FMNL2: variants seen among roughly 807,000 people sequenced by gnomAD.
The protein encoded by FMNL2 is formin-like protein 2.
FMNL2 carries 51 observed loss-of-function variants against 130.2 expected under a neutral mutation model. That is an observed-to-expected ratio of 0.39 (90% CI 0.31 to 0.49). The LOEUF is 0.49. Among genes scored for constraint, FMNL2 ranks in the 20% least tolerant of loss-of-function variants. The pLI, the probability that FMNL2 is intolerant of heterozygous loss-of-function variation, is 0.85. For missense variants in FMNL2, 977 were observed against 1,316.2 expected, an observed-to-expected ratio of 0.74 and a Z score of 3.99; for synonymous variants, 465 against 467.1, an observed-to-expected ratio of 1.00 and a Z score of 0.06.
intron 1 of FMNL2, among the ~76,000 whole-genome samples, chr2:152,366,428 TAAAG>T (rs993635370): frequency 6.7e-6 from 1 of 148,226 alleles, no homozygotes; most frequent in Admixed American, 6.9e-5. Context: ...CCCTAAAACT[TAAAG>T]TATAATAATA....
chr2:152,344,912 G>T (rs1171734032), intron 1 of FMNL2, among the ~76,000 whole-genome samples: 1 of 152,196 alleles, frequency 6.6e-6, no homozygotes, highest in East Asian at 1.9e-4. Flanking sequence ...AATTAGCCTT[G>T]AGAATAGAAA....
At chr2:152,578,606 TGAGA>T in intron 7 of FMNL2, 1 of 185,934 alleles carries the variant, frequency 5.4e-6, no homozygotes, top group Non-Finnish European at 1.0e-5. Flanking sequence ...TTTTTTTTTT[TGAGA>T]GATGTGGGTC....
chr2:152,630,459 T>A (rs1682083432), intron 20 of FMNL2, among the ~76,000 whole-genome samples: 1 of 152,136 alleles, frequency 6.6e-6, no homozygotes, highest in Non-Finnish European at 1.5e-5. Flanking sequence ...TTTCTTAAAT[T>A]TTTGTTGTTG....
chr2:152,563,211 A>G (rs1182858225), intron 6 of FMNL2, among the ~76,000 whole-genome samples: 2 of 152,222 alleles, frequency 1.3e-5, no homozygotes, highest in African/African-American at 4.8e-5. Context: ...GTATCTGGAA[A>G]AACATAGGCA....
chr2:152,352,561 C>T (rs1392922509), intron 1 of FMNL2, among the ~76,000 whole-genome samples: 2 of 152,144 alleles, frequency 1.3e-5, no homozygotes, highest in East Asian at 1.9e-4. Context: ...GCAAGCTCAT[C>T]ATCTTTTCAG....
intron 1 of FMNL2, among the ~76,000 whole-genome samples, chr2:152,491,371 A>G (rs1316757245): frequency 2.0e-5 from 3 of 152,100 alleles, no homozygotes; most frequent in African/African-American, 7.2e-5. Flanking sequence ...TAGGCTGGAA[A>G]AACACTGTGC....
intron 4 of FMNL2, among the ~76,000 whole-genome samples, chr2:152,556,452 C>T (rs1695209995): frequency 6.6e-6 from 1 of 151,888 alleles, no homozygotes; most frequent in African/African-American, 2.4e-5. Context: ...TCTTTGAGGC[C>T]CTTTCACTCA....
chr2:152,352,724 T>C (rs1682566112), intron 1 of FMNL2, among the ~76,000 whole-genome samples: 1 of 152,160 alleles, frequency 6.6e-6, no homozygotes, highest in Admixed American at 6.5e-5. Context: ...TTTTTTTTTT[T>C]TTTCTAGTAA....
chr2:152,486,357 A>G (rs1224133937), intron 1 of FMNL2, among the ~76,000 whole-genome samples: 1 of 152,176 alleles, frequency 6.6e-6, no homozygotes, highest in Non-Finnish European at 1.5e-5. Context: ...TTCAGGAGCT[A>G]TTTACATAGC....
At chr2:152,366,825 G>C (rs1302889618) in intron 1 of FMNL2, among the ~76,000 whole-genome samples, 6 of 152,036 alleles carry the variant, frequency 3.9e-5, no homozygotes, top group Non-Finnish European at 7.4e-5. Context: ...AATTAGCCAG[G>C]CTTGGTGGTG....
At chr2:152,605,403 C>T (rs188236014) in intron 9 of FMNL2, among the ~76,000 whole-genome samples, 4 of 152,180 alleles carry the variant, frequency 2.6e-5, no homozygotes, top group African/African-American at 4.8e-5. Flanking sequence ...ACTGCAGCCT[C>T]GACCTCATGG....
chr2:152,595,487 T>G (rs1253483199), intron 9 of FMNL2, among the ~76,000 whole-genome samples: 1 of 152,008 alleles, frequency 6.6e-6, no homozygotes, highest in Non-Finnish European at 1.5e-5. Context: ...CCCAGCTAAT[T>G]TTTGTATTTT....
At chr2:152,354,139 T>C (rs1315923058) in intron 1 of FMNL2, among the ~76,000 whole-genome samples, 1 of 152,180 alleles carries the variant, frequency 6.6e-6, no homozygotes, top group Non-Finnish European at 1.5e-5. Flanking sequence ...AGTGCTAGTG[T>C]TTTCATAATT....
chr2:152,364,999 G>A (rs756445425), intron 1 of FMNL2, among the ~76,000 whole-genome samples: 2 of 152,214 alleles, frequency 1.3e-5, no homozygotes, highest in African/African-American at 2.4e-5. Context: ...GCACACCTGT[G>A]TGCCCAGCAC....
chr2:152,611,253 C>G (rs943330511), intron 10 of FMNL2, among the ~76,000 whole-genome samples: 1 of 152,108 alleles, frequency 6.6e-6, no homozygotes, highest in South Asian at 2.1e-4. Context: ...GCAGGAGAAT[C>G]GCCTGAACCC....
intron 9 of FMNL2, among the ~76,000 whole-genome samples, chr2:152,589,999 A>ATGTATATG (rs58850746): frequency 0.016 from 1,811 of 114,592 alleles, 41 homozygotes; most frequent in Admixed American, 0.02. Context: ...ATGTATATGT[A>ATGTATATG]TATATATATA....
intron 23 of FMNL2, among the ~76,000 whole-genome samples, chr2:152,638,488 A>C (rs1433898341): frequency 6.6e-6 from 1 of 152,134 alleles, no homozygotes; most frequent in East Asian, 1.9e-4. Context: ...AAATAGGGGG[A>C]CACTTCCCTA....
chr2:152,511,359 A>T (rs7586195), intron 1 of FMNL2, among the ~76,000 whole-genome samples: 129,886 of 152,210 alleles, frequency 0.85, 55,974 homozygotes, highest in Admixed American at 0.92. Flanking sequence ...ATGTAAGGAA[A>T]ATTCACAGGT....
chr2:152,507,809 A>C (rs1692256127), intron 1 of FMNL2, among the ~76,000 whole-genome samples: 1 of 152,058 alleles, frequency 6.6e-6, no homozygotes, highest in Non-Finnish European at 1.5e-5. Context: ...TTTCAAATAG[A>C]AACACCGAGA....
Sources: allele counts gnomAD v4.1 joint callset (sites outside exome capture counted in the v4.1 genomes callset), GRCh38; gene constraint gnomAD v4.1.1; transcripts MANE v1.5; gene names NCBI Gene and HGNC (gene_info 2026-07-23, HGNC 2026-07-21).